ERCC8: variants seen among roughly 807,000 people sequenced by gnomAD.
ERCC8 encodes DNA excision repair protein ERCC-8.
Under a neutral mutation model 54.9 loss-of-function variants are expected in ERCC8, and 52 were observed. The observed-to-expected ratio is 0.95, with a 90% CI of 0.76 to 1.19. The LOEUF (loss-of-function observed/expected upper bound fraction) is 1.19. Among genes scored for constraint, ERCC8 ranks in the 50% most tolerant of loss-of-function variants. ERCC8 has a pLI of 0.00. For missense variants in ERCC8, 514 were observed against 466.1 expected (o/e 1.10, Z -0.95); for synonymous variants, 146 against 157.2 (o/e 0.93, Z 0.53).
intron 4 of ERCC8, among the ~76,000 whole-genome samples, chr5:60,914,780 C>A (rs1465890392): frequency 8.7e-6 from 1 of 114,832 alleles, no homozygotes; most frequent in Non-Finnish European, 1.8e-5. Context: ...GGGCAAGACT[C>A]TTGTCTCTTA....
At chr5:60,892,188 G>T in intron 9 of ERCC8, 1 of 525,788 alleles carries the variant, frequency 1.9e-6, no homozygotes, top group Non-Finnish European at 3.8e-6. Context: ...CACCCCATCT[G>T]ATGACGATTC....
intron 9 of ERCC8, chr5:60,893,644 C>A: frequency 1.8e-6 from 1 of 565,678 alleles, no homozygotes; most frequent in East Asian, 3.2e-5. Flanking sequence ...CGGCGGGGAT[C>A]TGAGAAGAGA....
chr5:60,878,298 T>C (rs960691894), intron 11 of ERCC8, among the ~76,000 whole-genome samples: 8 of 152,250 alleles, frequency 5.3e-5, no homozygotes, highest in South Asian at 2.1e-4. Flanking sequence ...GATTTTTGCA[T>C]TGATGCTCAT....
Position 60,874,642 on chromosome 5 carries a change from G to C in ERCC8, c.1164C>G (p.Ala388=), listed in dbSNP as rs2112451900. The part of the protein sequence containing the change: ...KSQLNPAFED[A]WSSSDEEG ...ATCCTTCTTCATCACTGCTGCTCCA[G>C]GCATCTTCAAAGGCCGGATTTAATT... The change falls in exon 12 of 12, where the codon GCC becomes GCG. Residue 388 remains alanine (A), a synonymous_variant. Transcript: ENST00000676185. 3 of 1,612,614 alleles carry C rather than the reference G, an allele frequency of 1.9e-6. No homozygotes were observed. Among genetic ancestry groups the C allele is most frequent in the Non-Finnish European group, 2.5e-6 (3 of 1,179,718 alleles).
chr5:60,897,904 G>C (rs1437302202), intron 9 of ERCC8, among the ~76,000 whole-genome samples: 2 of 152,244 alleles, frequency 1.3e-5, no homozygotes, highest in Non-Finnish European at 2.9e-5. Flanking sequence ...TCAGATTTTG[G>C]AACATTTCAG....
At chr5:60,934,816 A>G (rs940617126) in intron 1 of ERCC8, among the ~76,000 whole-genome samples, 1 of 152,200 alleles carries the variant, frequency 6.6e-6, no homozygotes, top group African/African-American at 2.4e-5. Flanking sequence ...TTTGTTGAAT[A>G]GGGTGTCCTT....
At chr5:60,888,304 T>C (rs936155772) in intron 10 of ERCC8, among the ~76,000 whole-genome samples, 10 of 152,346 alleles carry the variant, frequency 6.6e-5, no homozygotes, top group Middle Eastern at 3.4e-3. Context: ...AATTATTAGA[T>C]ATACATTATC....
intron 1 of ERCC8, among the ~76,000 whole-genome samples, chr5:60,939,731 A>G (rs1406732203): frequency 9.2e-5 from 14 of 152,084 alleles, no homozygotes; most frequent in Non-Finnish European, 1.6e-4. Context: ...CCTGAGCTCA[A>G]GTGATCCACC....
chr5:60,921,074 C>G (rs1749586495), intron 3 of ERCC8, among the ~76,000 whole-genome samples: 1 of 151,814 alleles, frequency 6.6e-6, no homozygotes, highest in South Asian at 2.1e-4. Flanking sequence ...CGGTTTTCAA[C>G]ACGCTTTTAA....
chr5:60,879,853 T>G (rs2112460596), intron 11 of ERCC8, among the ~76,000 whole-genome samples: 1 of 152,376 alleles, frequency 6.6e-6, no homozygotes, highest in East Asian at 1.9e-4. Flanking sequence ...TTGGAGCAGT[T>G]AGCCCATTTA....
chr5:60,892,842 T>C, intron 9 of ERCC8: 3 of 691,748 alleles, frequency 4.3e-6, no homozygotes, highest in Non-Finnish European at 8.0e-6. Flanking sequence ...ACTGCATGCA[T>C]GGCTGTGCTT....
chr5:60,892,274 A>G (rs1748585193), intron 9 of ERCC8: 1 of 554,638 alleles, frequency 1.8e-6, no homozygotes, highest in South Asian at 1.4e-5. Context: ...TGCTATTTCC[A>G]TCATCGGAGA....
At chr5:60,911,416 T>C (rs1475009377) in intron 4 of ERCC8, among the ~76,000 whole-genome samples, 2 of 152,102 alleles carry the variant, frequency 1.3e-5, no homozygotes, top group Admixed American at 6.5e-5. Flanking sequence ...TCTCTTCATA[T>C]GCTTTGCCTA....
chr5:60,898,004 CTT>C (rs1748767520), intron 9 of ERCC8, among the ~76,000 whole-genome samples: 2 of 152,106 alleles, frequency 1.3e-5, no homozygotes, highest in South Asian at 2.1e-4. Context: ...AGTCCTCAGT[CTT>C]TTATTTTTCT....
At chr5:60,938,073 ATATATATATATATTTTAT>A (rs200242670) in intron 1 of ERCC8, among the ~76,000 whole-genome samples, 6,276 of 30,540 alleles carry the variant, frequency 0.21, 397 homozygotes, top group East Asian at 0.47. Context: ...ATATATATAT[ATATATATATATATTTTAT>A]TTTTTTTTTT....
chr5:60,896,780 T>C (rs1477366950), intron 9 of ERCC8, among the ~76,000 whole-genome samples: 3 of 152,170 alleles, frequency 2.0e-5, no homozygotes, highest in Non-Finnish European at 2.9e-5. Context: ...CCAAAGGGCA[T>C]GAGACTCACC....
At chr5:60,891,117 C>G (rs372944223) in intron 9 of ERCC8, 31 bp from the exon 10 acceptor site, 14 of 1,406,972 alleles carry the variant, frequency 1.0e-5, no homozygotes, top group Non-Finnish European at 1.4e-5. Context: ...GGTTACTCAT[C>G]TCTGAAATCT....
chr5:60,914,618 T>C (rs1749373002), intron 4 of ERCC8, among the ~76,000 whole-genome samples: 1 of 151,720 alleles, frequency 6.6e-6, no homozygotes, highest in Non-Finnish European at 1.5e-5. Flanking sequence ...AGAGAGACAC[T>C]GCCTCTACAA....
chr5:60,913,875 T>G (rs879899201), intron 4 of ERCC8, among the ~76,000 whole-genome samples: 2 of 152,148 alleles, frequency 1.3e-5, no homozygotes, highest in Non-Finnish European at 2.9e-5. Flanking sequence ...AGGAGCAGGT[T>G]GTTCAGTTCC....
Sources: gnomAD v4.1 joint callset for allele counts (sites outside exome capture counted in the v4.1 genomes callset) on GRCh38, gnomAD v4.1.1 for gene constraint, MANE v1.5 for transcripts, NCBI Gene and HGNC (gene_info 2026-07-23, HGNC 2026-07-21) for gene names.